NECTIN3: variants seen among roughly 807,000 people sequenced by gnomAD.
NECTIN3 encodes the protein nectin cell adhesion molecule 3.
In NECTIN3, 8 loss-of-function variants were observed where a neutral mutation model predicts 49.4. The observed-to-expected ratio is 0.16, with a 90% CI of 0.10 to 0.29. The LOEUF (loss-of-function observed/expected upper bound fraction) is 0.29. Ranked by LOEUF, NECTIN3 falls within the 10% of genes least tolerant of loss-of-function variation. The pLI, the probability that NECTIN3 is intolerant of heterozygous loss-of-function variation, is 1.00. For synonymous variants in NECTIN3, 277 were observed against 241.1 expected (o/e 1.15, Z -1.38); for missense variants, 581 against 654.6 (o/e 0.89, Z 1.23).
intron 7 of NECTIN3, among the ~76,000 whole-genome samples, chr3:111,162,109 T>C (rs992772491): frequency 2.0e-5 from 3 of 152,180 alleles, no homozygotes; most frequent in Admixed American, 1.3e-4. Context: ...ATCTCTAATT[T>C]GGCAATATCT....
At chr3:111,157,779 T>G (rs1157088953) in intron 7 of NECTIN3, among the ~76,000 whole-genome samples, 1 of 152,086 alleles carries the variant, frequency 6.6e-6, no homozygotes, top group African/African-American at 2.4e-5. Flanking sequence ...TTCTACATCT[T>G]GACTCCTTTT....
At chr3:111,144,589 T>A (rs962960095) in intron 5 of NECTIN3, among the ~76,000 whole-genome samples, 1 of 151,924 alleles carries the variant, frequency 6.6e-6, no homozygotes, top group Non-Finnish European at 1.5e-5. Context: ...AAACTTAAAA[T>A]TACTTTCATC....
chr3:111,148,853 G>A (rs922226892), intron 7 of NECTIN3, among the ~76,000 whole-genome samples: 7 of 151,756 alleles, frequency 4.6e-5, no homozygotes, highest in Non-Finnish European at 8.8e-5. Context: ...AAAATTGTAC[G>A]TTTTTATGTA....
chr3:111,158,441 T>A, intron 7 of NECTIN3, among the ~76,000 whole-genome samples: 1 of 152,214 alleles, frequency 6.6e-6, no homozygotes, highest in Non-Finnish European at 1.5e-5. Flanking sequence ...AGAAATGGCA[T>A]GTAAATGTAT....
chr3:111,097,348 C>T (rs1336374336), intron 1 of NECTIN3, among the ~76,000 whole-genome samples: 1 of 152,220 alleles, frequency 6.6e-6, no homozygotes, highest in Non-Finnish European at 1.5e-5. Context: ...TTTACAGGCT[C>T]ATAGGCAGAA....
At chr3:111,148,727 G>T (rs1020654801) in intron 7 of NECTIN3, among the ~76,000 whole-genome samples, 3 of 152,032 alleles carry the variant, frequency 2.0e-5, no homozygotes, top group African/African-American at 7.2e-5. Context: ...TCATTTTTCA[G>T]ATTTTTGGTT....
At chr3:111,095,823 T>C (rs2032551931) in intron 1 of NECTIN3, among the ~76,000 whole-genome samples, 1 of 152,210 alleles carries the variant, frequency 6.6e-6, no homozygotes, top group Admixed American at 6.5e-5. Context: ...TCCACTGTGA[T>C]TGTGAGGCTT....
At chr3:111,076,839 G>GT (rs1388057438) in intron 1 of NECTIN3, among the ~76,000 whole-genome samples, 2 of 151,924 alleles carry the variant, frequency 1.3e-5, no homozygotes, top group Non-Finnish European at 2.9e-5. Flanking sequence ...GCTGGGCATG[G>GT]TGGCAGGAGC....
In NECTIN3 at chr3:111,112,074, G is replaced by C; in HGVS notation, c.205G>C (p.Val69Leu). The C allele has an allele frequency of 6.2e-7, 1 of 1,613,542 alleles. No homozygotes were observed. The highest frequency in any genetic ancestry group is 8.5e-7 in the Non-Finnish European group (1 of 1,179,752). The change falls in exon 2 of 6, where the codon GTA becomes CTA. Residue 69 changes from valine (V) to leucine (L), a missense_variant. Coordinates refer to ENST00000485303, the MANE Select transcript of NECTIN3 (RefSeq NM_015480.3). ...TATTGTGGAGCCACATGTCACAGCA[G>C]TATGGGGAAAGAATGTTTCATTAAA... ...PIIVEPHVTA[V>L]WGKNVSLKCL...
At chr3:111,148,316 TA>T (rs2034926475) in intron 7 of NECTIN3, among the ~76,000 whole-genome samples, 1 of 152,200 alleles carries the variant, frequency 6.6e-6, no homozygotes, top group African/African-American at 2.4e-5. Context: ...GCTGACCATA[TA>T]GTCAGTTTAC....
exon 7 of NECTIN3, chr3:111,147,433 T>C (rs2034901614): frequency 6.5e-7 from 1 of 1,533,150 alleles, no homozygotes; most frequent in Non-Finnish European, 8.7e-7. Context: ...ATAAACCACC[T>C]CCTCTGTATG....
intron 2 of NECTIN3, among the ~76,000 whole-genome samples, chr3:111,113,785 A>G (rs1487002830): frequency 2.0e-5 from 3 of 152,120 alleles, no homozygotes; most frequent in Non-Finnish European, 2.9e-5. Flanking sequence ...GGAGTACAAG[A>G]CCAGCCTGGC....
intron 7 of NECTIN3, among the ~76,000 whole-genome samples, chr3:111,165,381 A>G (rs1313408749): frequency 6.6e-6 from 1 of 151,990 alleles, no homozygotes; most frequent in East Asian, 1.9e-4. Flanking sequence ...TGTCCACATT[A>G]TGGTACCTGA....
Position 111,133,919 on chromosome 3 carries a change from G to A in NECTIN3, c.1354G>A (p.Glu452Lys). The A allele has an allele frequency of 6.2e-7, 1 of 1,613,804 alleles. No individual in the cohort carries two copies. The highest frequency in any genetic ancestry group is 1.1e-5 in the South Asian group (1 of 91,072). ...NYIPPSDMQKESQIDVLQQDE... is the reference protein window; with the variant it reads ...NYIPPSDMQKKSQIDVLQQDE... ...CATTCCACCATCAGATATGCAAAAAGAATCACAAATAGATGTTCTTCAACA... is the reference window on the plus strand; with the variant it reads ...CATTCCACCATCAGATATGCAAAAAAAATCACAAATAGATGTTCTTCAACA... Residue 452 changes from glutamate (E) to lysine (K), a missense_variant, in exon 6 of 6, where the codon GAA (glutamate) becomes AAA (lysine). Physicochemically the swap from Glu to Lys is moderately conservative, Grantham distance 56. This residue lies in a region of NECTIN3 where 238 missense variants were observed against 244.9 expected (regional missense o/e 0.97). Coordinates refer to ENST00000485303, the MANE Select transcript of NECTIN3 (RefSeq NM_015480.3).
At chr3:111,079,671 A>T (rs903910360) in intron 1 of NECTIN3, among the ~76,000 whole-genome samples, 7 of 151,800 alleles carry the variant, frequency 4.6e-5, no homozygotes, top group Non-Finnish European at 8.8e-5. Flanking sequence ...TGATAGCAGC[A>T]TTTCTCACTT....
intron 7 of NECTIN3, among the ~76,000 whole-genome samples, chr3:111,171,261 T>G (rs2035428162): frequency 6.6e-6 from 1 of 152,174 alleles, no homozygotes; most frequent in African/African-American, 2.4e-5. Context: ...TTTCAAGTAC[T>G]GAAAAGATCA....
rs543390737 is a variant in NECTIN3, at chr3:111,107,154, C to T, written c.161-4876C>T. 6.6e-5 allele frequency among the ~76,000 whole-genome samples: 10 copies of T among 152,024 alleles called. No homozygotes were observed. In the East Asian group the frequency reaches 9.7e-4, roughly 15 times the overall value. On this transcript the variant is annotated intron_variant, in intron 1 of 5. Coordinates refer to ENST00000485303, the MANE Select transcript of NECTIN3 (RefSeq NM_015480.3). ...TTAAAAAACCCATAGTAGTTATATA[C>T]GTCATTACATTTTCTTTTCTGTCAC...
At chr3:111,172,163 G>A (rs1408200476) in intron 7 of NECTIN3, among the ~76,000 whole-genome samples, 1 of 152,118 alleles carries the variant, frequency 6.6e-6, no homozygotes, top group Non-Finnish European at 1.5e-5. Context: ...TGTAGCAGCT[G>A]CTTCCTTTCA....
intron 2 of NECTIN3, among the ~76,000 whole-genome samples, chr3:111,117,673 A>G (rs1346668683): frequency 6.6e-6 from 1 of 152,042 alleles, no homozygotes; most frequent in Non-Finnish European, 1.5e-5. Flanking sequence ...AGATGGTATT[A>G]AAAGAACCAA....
Sources: gnomAD v4.1 joint callset for allele counts (sites outside exome capture counted in the v4.1 genomes callset) on GRCh38, gnomAD v4.1.1 for gene constraint, gnomAD v4.1.1 regional missense constraint, MANE v1.5 for transcripts, NCBI Gene and HGNC (gene_info 2026-07-23, HGNC 2026-07-21) for gene names.